Variants in GTF2F1 observed in about 807,000 individuals in gnomAD.
GTF2F1 encodes the protein general transcription factor IIF 74 kDa subunit.
A neutral mutation model predicts 63.5 loss-of-function variants in GTF2F1; 39 were observed. That is an observed-to-expected ratio of 0.61 (90% CI 0.48 to 0.80). GTF2F1 has a LOEUF of 0.80. Among genes scored for constraint, GTF2F1 ranks in the 30% least tolerant of loss-of-function variants. The probability of loss-of-function intolerance (pLI) is 0.00; values close to 1 mark genes in which losing one functional copy is unlikely to be tolerated. For synonymous variants in GTF2F1, 287 were observed against 285.3 expected, an observed-to-expected ratio of 1.01 and a Z score of -0.06; for missense variants, 657 against 718.3, an observed-to-expected ratio of 0.91 and a Z score of 0.97.
chr19:6,392,533 G>A, intron 2 of GTF2F1: 1 of 558,982 alleles, frequency 1.8e-6, no homozygotes. Flanking sequence ...CAAAGGCCTG[G>A]AAAGGAAAGA....
At position 6,380,852 on chromosome 19, in the gene GTF2F1, T is replaced by G. The variant is rs2091944495; in HGVS notation, c.1231+52A>C. On this transcript the variant is annotated intron_variant, in intron 11 of 12. Transcript: ENST00000394456. This position sits in a 1 kb window ranked among gnomAD's most constrained non-coding sequence, Gnocchi z 5.3. ...TCTCTGTCCTGAGCCCCAACAGAGGTCAGGAGGCTGTGGCTGTGGCTGTGG... is the reference window on the plus strand; with the variant it reads ...TCTCTGTCCTGAGCCCCAACAGAGGGCAGGAGGCTGTGGCTGTGGCTGTGG... The G allele has an allele frequency of 6.6e-7, 1 of 1,519,678 alleles. No individual in the cohort carries two copies. Among genetic ancestry groups the G allele is most frequent in the Admixed American group, 2.0e-5 (1 of 49,886 alleles). 94.1% of individuals were successfully genotyped at this position (1,519,678 alleles called of 1,614,324 possible).
chr19:6,384,499 A>C (rs74952540), intron 5 of GTF2F1, among the ~76,000 whole-genome samples: 8,553 of 139,696 alleles, frequency 0.061, 329 homozygotes, highest in Non-Finnish European at 0.088. Flanking sequence ...CAGAGTAAGA[A>C]TCTGTCTCCA....
chr19:6,387,904 A>C (rs181119832), intron 4 of GTF2F1, among the ~76,000 whole-genome samples: 6 of 150,536 alleles, frequency 4.0e-5, no homozygotes, highest in African/African-American at 1.4e-4. Flanking sequence ...TGAGGAGCCA[A>C]GTGAGAAGAT....
chr19:6,390,697 T>A (rs1035671512), intron 3 of GTF2F1, among the ~76,000 whole-genome samples: 5 of 150,594 alleles, frequency 3.3e-5, no homozygotes, highest in African/African-American at 9.8e-5. Context: ...CTGACCAACA[T>A]GGCGAAACTT....
chr19:6,382,631 CA>C (rs575318230), intron 6 of GTF2F1, among the ~76,000 whole-genome samples: 36,451 of 109,508 alleles, frequency 0.33, 8,188 homozygotes, highest in African/African-American at 0.68. Flanking sequence ...ACTCTGTCTC[CA>C]AAAAAAAAAA....
chr19:6,380,136 G>C lies in GTF2F1; in HGVS notation c.*145C>G, dbSNP rs1388142304. On this transcript the variant is annotated 3_prime_UTR_variant, in exon 13 of 13. Coordinates refer to ENST00000394456, the MANE Select transcript of GTF2F1 (RefSeq NM_002096.3). This position sits in a 1 kb window ranked among gnomAD's most constrained non-coding sequence, Gnocchi z 5.3. ...TAACTACGGGGCCCTGGGAGTCAGG[G>C]AGCAAGCAGGATGTCGAAGGGTCAC... 2 of 758,138 alleles carry C rather than the reference G, an allele frequency of 2.6e-6. No individual in the cohort carries two copies. The highest frequency in any genetic ancestry group is 3.4e-5 in the African/African-American group (2 of 58,346). The allele number at this position is 758,138 out of a possible 1,614,324, so 47.0% of individuals were successfully genotyped here.
Position 6,380,916 on chromosome 19 carries a change from T to A in GTF2F1, c.1219A>T (p.Lys407Ter). ...TSSTLRAAAS[K>*]LEQGKRVSEM... is the part of the protein sequence containing the mutation. Reference sequence around the variant, plus strand: ...CACGGGCACTCACCTTGCTCGAGTTTGCTGGCAGCCGCCCGCAGGGTGGAG... The same window carrying A: ...CACGGGCACTCACCTTGCTCGAGTTAGCTGGCAGCCGCCCGCAGGGTGGAG... Residue 407 changes from lysine to a stop codon, truncating the protein, a stop_gained, in exon 11 of 13, where the codon AAA becomes TAA. Transcript: ENST00000394456. LOFTEE classifies it high-confidence loss of function. This position sits in a 1 kb window ranked among gnomAD's most constrained non-coding sequence, Gnocchi z 5.3. 7 of 1,566,370 alleles carry A rather than the reference T, an allele frequency of 4.5e-6. No homozygotes were observed. Among genetic ancestry groups the A allele is most frequent in the Non-Finnish European group, 6.0e-6 (7 of 1,158,164 alleles).
chr19:6,391,102 C>T (rs994626879), intron 3 of GTF2F1, among the ~76,000 whole-genome samples: 2 of 152,228 alleles, frequency 1.3e-5, no homozygotes, highest in African/African-American at 4.8e-5. Flanking sequence ...TGCCAGGACT[C>T]ACCTAGACCA....
At chr19:6,391,402 G>GACAC (rs1223387827) in intron 3 of GTF2F1, among the ~76,000 whole-genome samples, 1 of 150,796 alleles carries the variant, frequency 6.6e-6, no homozygotes, top group Non-Finnish European at 1.5e-5. Context: ...AACTTACAGG[G>GACAC]ACACCCAGGA....
At chr19:6,389,411 C>G in intron 4 of GTF2F1, 33 bp downstream of exon 4, 1 of 1,603,596 alleles carries the variant, frequency 6.2e-7, no homozygotes, top group Non-Finnish European at 8.5e-7. Flanking sequence ...GGACTGGTCA[C>G]TAAGCCGGCA....
In GTF2F1 at chr19:6,381,653, G is replaced by T. The variant is rs776663368; in HGVS notation, c.837-38C>A. The T allele has an allele frequency of 4.3e-6, 7 of 1,614,022 alleles. No homozygotes were observed. The highest frequency in any genetic ancestry group is 2.2e-5 in the South Asian group (2 of 91,082). On this transcript the variant is annotated intron_variant, in intron 7 of 12. Transcript: ENST00000394456. The surrounding 1 kb of genome is among the most constrained non-coding windows in gnomAD (Gnocchi z 4.1). Reference sequence around the variant, plus strand: ...GATGGCAAAGGATGAGCGCGCGCTCGCGAGGCTGCATGGGGTCTCGCAGGC... The same window carrying T: ...GATGGCAAAGGATGAGCGCGCGCTCTCGAGGCTGCATGGGGTCTCGCAGGC...
Position 6,387,505 on chromosome 19 carries a change from G to A in GTF2F1, c.381C>T (p.Phe127=). The A allele has an allele frequency of 6.2e-7, 1 of 1,614,208 alleles. No individual in the cohort carries two copies. Reference sequence around the variant, plus strand: ...CGAAGGCCCCGTCGGGGCACTGGGTGAAGATGTAGTAGGACGTGTTCTCTG... The same window carrying A: ...CGAAGGCCCCGTCGGGGCACTGGGTAAAGATGTAGTAGGACGTGTTCTCTG... ...GVTENTSYYI[F]TQCPDGAFEA... is the part of the protein sequence containing the mutation. Residue 127 remains phenylalanine (F), a synonymous_variant, in exon 5 of 13, where the codon TTC becomes TTT. Coordinates refer to ENST00000394456, the MANE Select transcript of GTF2F1 (RefSeq NM_002096.3).
At position 6,386,413 on chromosome 19, in the gene GTF2F1, C is replaced by CAA. The variant is rs1242740157; in HGVS notation, c.497+974_497+975dup. Among the ~76,000 whole-genome samples, 5 of 151,804 alleles carry CAA rather than the reference C, an allele frequency of 3.3e-5. No homozygotes were observed. The South Asian group carries it at 1.0e-3, about 32-fold the overall frequency. ...AAAAAAAAACACACAAACAAACAAA[C>CAA]AAACAAAAAAACACCAAAGAGGGAA... On this transcript the variant is annotated intron_variant, in intron 5 of 12. Coordinates refer to ENST00000394456, the MANE Select transcript of GTF2F1 (RefSeq NM_002096.3).
In GTF2F1 at chr19:6,383,582, C is replaced by G. The variant is rs1334229173; in HGVS notation, c.498-87G>C. 9 of 1,417,156 alleles carry G rather than the reference C, an allele frequency of 6.4e-6. No individual in the cohort carries two copies. The highest frequency in any genetic ancestry group is 1.4e-5 in the African/African-American group (1 of 71,328). The allele number at this position is 1,417,156 out of a possible 1,614,324, so 87.8% of individuals were successfully genotyped here. A position where few individuals can be genotyped will look rare whatever the true frequency, so the allele number is the denominator to read the frequency against. On this transcript the variant is annotated intron_variant, in intron 5 of 12. Coordinates refer to ENST00000394456, the MANE Select transcript of GTF2F1 (RefSeq NM_002096.3). This position sits in a 1 kb window ranked among gnomAD's most constrained non-coding sequence, Gnocchi z 4.5. ...AGGGGGCGAGCCCCAGGGCACCACC[C>G]ACATAGCCTTCAAGGTGATGTGGCC... is the stretch of plus-strand genomic sequence containing the variant.
chr19:6,387,320 G>T (rs1259316758), intron 5 of GTF2F1, 69 bp downstream of exon 5: 1 of 1,457,876 alleles, frequency 6.9e-7, no homozygotes, highest in African/African-American at 1.4e-5. Context: ...ACAGGGCCTG[G>T]TGATATATCC....
At position 6,381,716 on chromosome 19, in the gene GTF2F1, A is replaced by C; in HGVS notation, c.817T>G (p.Tyr273Asp). 7 of 1,614,188 alleles carry C rather than the reference A, an allele frequency of 4.3e-6. No homozygotes were observed. Among genetic ancestry groups the C allele is most frequent in the Non-Finnish European group, 5.1e-6 (6 of 1,180,034 alleles). ...CCTCACCTGGAGCCGTCTGACATGT[A>C]GTCCACCTCTTGGCCCTCGAAGTCC... The part of the protein sequence containing the change: ...DGDFEGQEVD[Y>D]MSDGSSSSQE... Residue 273 changes from tyrosine (Y) to aspartate (D), a missense_variant, in exon 7 of 13, where the codon TAC becomes GAC. Coordinates refer to ENST00000394456, the MANE Select transcript of GTF2F1 (RefSeq NM_002096.3). The surrounding 1 kb of genome is among the most constrained non-coding windows in gnomAD (Gnocchi z 4.1).
At position 6,392,902 on chromosome 19, in the gene GTF2F1, C is replaced by T. The variant is rs762788043; in HGVS notation, c.14G>A (p.Gly5Asp). ...TTCAGTGACATTCTGGCTGCTAGGG[C>T]CCTGCGGAAAGAGGAAGCGGTGAGT... MAAL[G>D]PSSQNVTEYV... The change falls in exon 2 of 13, where the codon GGC becomes GAC. Residue 5 changes from glycine to aspartate, a missense_variant and splice_region_variant. Transcript: ENST00000394456. 1.2e-6 allele frequency: 2 copies of T among 1,614,124 alleles called. No individual in the cohort carries two copies. Among genetic ancestry groups the T allele is most frequent in the South Asian group, 1.1e-5 (1 of 91,074 alleles).
At chr19:6,387,612 C>G in intron 4 of GTF2F1, 53 bp from the exon 5 acceptor site, 1 of 1,298,410 alleles carries the variant, frequency 7.7e-7, no homozygotes. Context: ...CCCAGCCCCC[C>G]CGTGTCCCCC....
Position 6,383,619 on chromosome 19 carries a change from G to A in GTF2F1, c.498-124C>T. 1 of 997,592 alleles carries A rather than the reference G, an allele frequency of 1.0e-6. No homozygotes were observed. The highest frequency in any genetic ancestry group is 2.6e-5 in the East Asian group (1 of 38,908). 61.8% of individuals were successfully genotyped at this position (997,592 alleles called of 1,614,324 possible). On this transcript the variant is annotated intron_variant, in intron 5 of 12. Transcript: ENST00000394456. The surrounding 1 kb of genome is among the most constrained non-coding windows in gnomAD (Gnocchi z 4.5). Reference sequence around the variant, plus strand: ...AAGGTGATGTGGCCCCCGGGGACTTGGGCTGTGGCACAGGACTCCCTGAAA... The same window carrying A: ...AAGGTGATGTGGCCCCCGGGGACTTAGGCTGTGGCACAGGACTCCCTGAAA...
Sources: gnomAD v4.1 joint callset for allele counts (sites outside exome capture counted in the v4.1 genomes callset) on GRCh38, gnomAD v4.1.1 for gene constraint, Gnocchi (gnomAD v3.1) non-coding constraint, MANE v1.5 for transcripts, NCBI Gene and HGNC (gene_info 2026-07-23, HGNC 2026-07-21) for gene names.